The following CDH12 variants were observed in gnomAD, a reference collection of about 807,000 sequenced individuals.
CDH12 encodes the protein cadherin-12.
CDH12 carries 41 observed loss-of-function variants against 74.1 expected under a neutral mutation model. The observed-to-expected ratio is 0.55, with a 90% CI of 0.43 to 0.72. The LOEUF is 0.72. Among genes scored for constraint, CDH12 ranks in the 30% least tolerant of loss-of-function variants. The probability of loss-of-function intolerance (pLI) is 0.00; values close to 1 mark genes in which losing one functional copy is unlikely to be tolerated. For missense variants in CDH12, 945 were observed against 977.2 expected (o/e 0.97, Z 0.44); for synonymous variants, 399 against 355.0 (o/e 1.12, Z -1.39).
intron 1 of CDH12, among the ~76,000 whole-genome samples, chr5:22,640,422 A>C (rs1000686054): frequency 2.0e-5 from 3 of 152,206 alleles, no homozygotes; most frequent in African/African-American, 7.2e-5. Context: ...ACTTCTTAAC[A>C]CAATCCTACT....
chr5:21,800,221 G>T (rs1747034461), intron 10 of CDH12, among the ~76,000 whole-genome samples: 1 of 152,076 alleles, frequency 6.6e-6, no homozygotes. Flanking sequence ...CATTTGTTTG[G>T]CTTAGATGAT....
chr5:22,116,043 A>G (rs1273243488), intron 4 of CDH12, among the ~76,000 whole-genome samples: 1 of 152,132 alleles, frequency 6.6e-6, no homozygotes, highest in Admixed American at 6.6e-5. Context: ...GTTACATTAT[A>G]TAGCATAAGT....
At chr5:22,666,287 T>A (rs1030463635) in intron 1 of CDH12, among the ~76,000 whole-genome samples, 1 of 84,534 alleles carries the variant, frequency 1.2e-5, no homozygotes, top group Non-Finnish European at 2.5e-5. Context: ...TCTATCTTTT[T>A]TTTTTTTTTT....
intron 1 of CDH12, among the ~76,000 whole-genome samples, chr5:22,700,109 A>T (rs1055429553): frequency 6.6e-6 from 1 of 152,040 alleles, no homozygotes; most frequent in Non-Finnish European, 1.5e-5. Context: ...AGAGGTTGCA[A>T]TGAGCCGAGA....
chr5:22,283,205 GATATATATATAGATAT>G (rs1311612569), intron 3 of CDH12, among the ~76,000 whole-genome samples: 2,636 of 107,828 alleles, frequency 0.024, 45 homozygotes, highest in African/African-American at 0.028. Context: ...ACATCTGTGA[GATATATATATAGATAT>G]ATATATATAT....
intron 3 of CDH12, among the ~76,000 whole-genome samples, chr5:22,355,735 G>C (rs1740539973): frequency 6.6e-6 from 1 of 151,874 alleles, no homozygotes; most frequent in Non-Finnish European, 1.5e-5. Context: ...GCACCTCATG[G>C]GGCTCCCGGG....
At chr5:22,260,819 A>T (rs991117999) in intron 3 of CDH12, among the ~76,000 whole-genome samples, 1 of 151,954 alleles carries the variant, frequency 6.6e-6, no homozygotes. Context: ...ATTTGGTAAA[A>T]ATCAAATTGT....
At chr5:22,432,586 CT>C (rs1391426422) in intron 2 of CDH12, among the ~76,000 whole-genome samples, 1 of 151,268 alleles carries the variant, frequency 6.6e-6, no homozygotes. Context: ...TGTATAAAAT[CT>C]TCTATTCAAA....
chr5:22,398,789 A>G (rs1742578879), intron 3 of CDH12, among the ~76,000 whole-genome samples: 1 of 152,162 alleles, frequency 6.6e-6, no homozygotes, highest in Non-Finnish European at 1.5e-5. Context: ...CCAACAGAAG[A>G]TCTTTGTACA....
intron 3 of CDH12, among the ~76,000 whole-genome samples, chr5:22,321,435 A>G (rs1308457481): frequency 7.3e-6 from 1 of 137,466 alleles, no homozygotes; most frequent in African/African-American, 2.8e-5. Context: ...ATAGGTGGGA[A>G]TTGAACAATG....
At chr5:22,271,082 C>T (rs1355686785) in intron 3 of CDH12, among the ~76,000 whole-genome samples, 1 of 152,094 alleles carries the variant, frequency 6.6e-6, no homozygotes, top group African/African-American at 2.4e-5. Context: ...TTTCTCTGTG[C>T]ATGTGATGCT....
intron 6 of CDH12, among the ~76,000 whole-genome samples, chr5:21,885,586 AT>A (rs1452474545): frequency 6.6e-6 from 1 of 152,210 alleles, no homozygotes; most frequent in Non-Finnish European, 1.5e-5. Context: ...ATATTTTCCT[AT>A]CCTGAATTTG....
At chr5:22,065,581 G>C (rs1741501689) in intron 5 of CDH12, among the ~76,000 whole-genome samples, 2 of 152,086 alleles carry the variant, frequency 1.3e-5, no homozygotes, top group South Asian at 4.1e-4. Flanking sequence ...GCTAGAATGG[G>C]TTTCTTATTT....
At chr5:21,932,585 A>AAAAAAT (rs1342655574) in intron 6 of CDH12, among the ~76,000 whole-genome samples, 1 of 152,072 alleles carries the variant, frequency 6.6e-6, no homozygotes, top group Non-Finnish European at 1.5e-5. Context: ...CACATCATTC[A>AAAAAAT]AAAAATAAAA....
intron 4 of CDH12, among the ~76,000 whole-genome samples, chr5:22,082,014 G>T (rs1415247232): frequency 6.6e-6 from 1 of 152,164 alleles, no homozygotes; most frequent in Non-Finnish European, 1.5e-5. Context: ...CTGAAACCAA[G>T]GATAGTACCG....
chr5:22,852,226 T>C (rs1455932210), intron 1 of CDH12, among the ~76,000 whole-genome samples: 2 of 152,182 alleles, frequency 1.3e-5, no homozygotes, highest in Admixed American at 6.5e-5. Flanking sequence ...GAGAAATGTG[T>C]ATAAGAGATA....
chr5:21,886,418 TG>T, intron 6 of CDH12, among the ~76,000 whole-genome samples: 1 of 150,804 alleles, frequency 6.6e-6, no homozygotes, highest in Middle Eastern at 3.4e-3. Flanking sequence ...AGATTCTCTT[TG>T]TTTGTGTTTT....
At chr5:22,438,681 T>C (rs1156945331) in intron 2 of CDH12, among the ~76,000 whole-genome samples, 2 of 152,026 alleles carry the variant, frequency 1.3e-5, no homozygotes, top group Admixed American at 1.3e-4. Context: ...TGCAGAATTT[T>C]CCCATCTTTG....
intron 4 of CDH12, among the ~76,000 whole-genome samples, chr5:22,171,149 C>T (rs1749006588): frequency 6.6e-6 from 1 of 151,808 alleles, no homozygotes; most frequent in South Asian, 2.1e-4. Flanking sequence ...GGAATCAGGC[C>T]TTTGCTTCTA....
Sources: gnomAD v4.1 joint callset for allele counts (sites outside exome capture counted in the v4.1 genomes callset) on GRCh38, gnomAD v4.1.1 for gene constraint, MANE v1.5 for transcripts, NCBI Gene and HGNC (gene_info 2026-07-23, HGNC 2026-07-21) for gene names.